The following VIPR1 variants were observed in gnomAD, a reference collection of about 807,000 sequenced individuals.
VIPR1 encodes the protein vasoactive intestinal polypeptide receptor 1.
Under a neutral mutation model 58.8 loss-of-function variants are expected in VIPR1, and 59 were observed. The ratio of observed to expected loss-of-function variants is 1.00; its 90% CI spans 0.81 to 1.25. VIPR1 has a LOEUF of 1.25. VIPR1 is among the 50% of genes most tolerant of loss of function. The pLI is 0.00. For missense variants in VIPR1, 626 were observed against 602.7 expected, an observed-to-expected ratio of 1.04 and a Z score of -0.40; for synonymous variants, 251 against 242.1, an observed-to-expected ratio of 1.04 and a Z score of -0.34.
At chr3:42,505,877 G>T (rs1295019745) in intron 1 of VIPR1, among the ~76,000 whole-genome samples, 1 of 152,204 alleles carries the variant, frequency 6.6e-6, no homozygotes, top group East Asian at 1.9e-4. Context: ...AGAGGGTTAG[G>T]CTGGAGCCAA....
chr3:42,519,566 A>C, intron 3 of VIPR1: 1 of 430,230 alleles, frequency 2.3e-6, no homozygotes, highest in Non-Finnish European at 4.1e-6. Flanking sequence ...TCAACAATTG[A>C]TAACTGATTG....
chr3:42,512,003 G>C (rs992422114), intron 1 of VIPR1: 1 of 152,208 alleles, frequency 6.6e-6, no homozygotes, highest in African/African-American at 2.4e-5. Context: ...ACGAGTAACT[G>C]TATCATGCTC....
chr3:42,513,740 T>G lies in VIPR1; in HGVS notation c.79-9T>G. On this transcript the variant is annotated splice_polypyrimidine_tract_variant and intron_variant, in intron 1 of 12. Coordinates refer to ENST00000325123, the MANE Select transcript of VIPR1 (RefSeq NM_004624.4). ...GAGGCTGATGGGCCCTCCCTGTCTT[T>G]GTTCTCAGGGCGGCCAGGCGGCCAG... 3 of 1,551,168 alleles carry G rather than the reference T, an allele frequency of 1.9e-6. No homozygotes were observed. The South Asian group carries it at 3.6e-5, about 18-fold the overall frequency.
intron 3 of VIPR1, chr3:42,519,657 G>A (rs1208422224): frequency 4.7e-6 from 1 of 214,724 alleles, no homozygotes; most frequent in East Asian, 1.1e-4. Flanking sequence ...TCGATGCCTG[G>A]AGCCTATGAC....
Position 42,502,777 on chromosome 3 carries a change from G to A in VIPR1, c.42G>A (p.Val14=), listed in dbSNP as rs1001696349. Residue 14 remains valine, a synonymous_variant, in exon 1 of 13, where the codon GTG becomes GTA. Transcript: ENST00000325123. ...CGCTGCCCGCCCGCTGGCTATGCGT[G>A]CTGGCAGGCGCCCTCGCCTGGGCCC... ...PSPLPARWLC[V]LAGALAWALG... The A allele has an allele frequency of 3.9e-6, 5 of 1,288,510 alleles. No homozygotes were observed. The African/African-American group carries it at 6.2e-5, about 16-fold the overall frequency. 79.8% of individuals were successfully genotyped at this position (1,288,510 alleles called of 1,614,324 possible). A position where few individuals can be genotyped will look rare whatever the true frequency, so the allele number is the denominator to read the frequency against.
chr3:42,512,837 C>T (rs550634007), intron 1 of VIPR1: 19 of 985,488 alleles, frequency 1.9e-5, no homozygotes, highest in Admixed American at 1.2e-4. Flanking sequence ...GCCAGTCCAA[C>T]GCTTCCTCCA....
chr3:42,527,671 C>T, intron 5 of VIPR1, 175 bp downstream of exon 5: 1 of 678,732 alleles, frequency 1.5e-6, no homozygotes, highest in Non-Finnish European at 2.5e-6. Flanking sequence ...TGGCTGAGCT[C>T]TTCCATGTGT....
intron 1 of VIPR1, among the ~76,000 whole-genome samples, chr3:42,505,163 G>T (rs1444775562): frequency 1.3e-5 from 2 of 152,202 alleles, no homozygotes; most frequent in African/African-American, 4.8e-5. Context: ...GAGTCCAGGT[G>T]GATGTGGGGT....
intron 1 of VIPR1, among the ~76,000 whole-genome samples, chr3:42,497,600 G>A (rs375183101): frequency 9.7e-4 from 147 of 152,208 alleles, no homozygotes; most frequent in Non-Finnish European, 1.7e-3. Flanking sequence ...TGGCTGTGTC[G>A]CCACCCAAAT....
rs1700792062 is a variant in VIPR1, at chr3:42,519,313, T to C, written c.275T>C (p.Leu92Pro). ...TTGGCCTGTCCCCTCATCTTCAAGCTCTTCTCCTCCATTCAAGGTAAGACC... is the reference window on the plus strand; with the variant it reads ...TTGGCCTGTCCCCTCATCTTCAAGCCCTTCTCCTCCATTCAAGGTAAGACC... ...VVLACPLIFK[L>P]FSSIQGRNVS... Residue 92 changes from leucine to proline, a missense_variant, in exon 3 of 13, where the codon CTC becomes CCC. Leu to Pro is a moderately conservative substitution (Grantham distance 98). Transcript: ENST00000325123. The C allele has an allele frequency of 1.2e-6, 2 of 1,609,344 alleles. No individual in the cohort carries two copies. Among genetic ancestry groups the C allele is most frequent in the East Asian group, 2.2e-5 (1 of 44,494 alleles).
intron 3 of VIPR1, among the ~76,000 whole-genome samples, chr3:42,523,993 T>C (rs1292088090): frequency 1.3e-5 from 2 of 152,200 alleles, no homozygotes; most frequent in African/African-American, 4.8e-5. Flanking sequence ...AATTTTTGTA[T>C]TTTTAGTAAA....
intron 4 of VIPR1, among the ~76,000 whole-genome samples, chr3:42,526,765 T>C (rs1324523597): frequency 6.6e-6 from 1 of 152,116 alleles, no homozygotes; most frequent in African/African-American, 2.4e-5. Flanking sequence ...GCCTAGTGGC[T>C]GTCGTGCTGC....
intron 1 of VIPR1, chr3:42,507,966 A>AAAAAAC (rs1027831340): frequency 4.6e-5 from 7 of 151,894 alleles, no homozygotes; most frequent in African/African-American, 1.7e-4. Flanking sequence ...CAAAAAAAAA[A>AAAAAAC]AAAAAAAAGA....
intron 1 of VIPR1, among the ~76,000 whole-genome samples, chr3:42,497,526 G>A (rs904611391): frequency 6.6e-6 from 1 of 152,166 alleles, no homozygotes; most frequent in Non-Finnish European, 1.5e-5. Flanking sequence ...TTTGAAAACA[G>A]GGTGGAGCAG....
At chr3:42,525,639 A>G (rs1169880891) in intron 3 of VIPR1, among the ~76,000 whole-genome samples, 1 of 152,228 alleles carries the variant, frequency 6.6e-6, no homozygotes, top group Non-Finnish European at 1.5e-5. Flanking sequence ...GGTTCAGACC[A>G]TAACAAAAGG....
intron 1 of VIPR1, chr3:42,512,839 C>T (rs965766409): frequency 2.1e-5 from 21 of 985,380 alleles, no homozygotes; most frequent in Admixed American, 6.1e-5. Flanking sequence ...CAGTCCAACG[C>T]TTCCTCCATG....
At position 42,523,640 on chromosome 3, in the gene VIPR1, C is replaced by CACCCAT. The variant is rs1553638629; in HGVS notation, c.293-2247_293-2246insACCCAT. On this transcript the variant is annotated intron_variant, in intron 3 of 12. Transcript: ENST00000325123. ...ACACACACACACACACACACACACA[C>CACCCAT]GGCATGTGAAGCTGCTGTGTACATG... Among the ~76,000 whole-genome samples the CACCCAT allele has an allele frequency of 2.0e-5, 3 of 150,880 alleles. No individual in the cohort carries two copies. In the South Asian group the frequency reaches 6.3e-4, roughly 32 times the overall value.
At chr3:42,521,766 G>C (rs563938854) in intron 3 of VIPR1, among the ~76,000 whole-genome samples, 6 of 152,072 alleles carry the variant, frequency 3.9e-5, no homozygotes, top group African/African-American at 1.4e-4. Flanking sequence ...TTAATGTTTT[G>C]AGATAGAGTC....
In VIPR1 at chr3:42,519,281, AGTT is replaced by A; in HGVS notation, c.246_248del (p.Val83del). 1 of 1,611,018 alleles carries A rather than the reference AGTT, an allele frequency of 6.2e-7. No homozygotes were observed. Among genetic ancestry groups the A allele is most frequent in the Non-Finnish European group, 8.5e-7 (1 of 1,178,720 alleles). On this transcript the variant is annotated inframe_deletion, in exon 3 of 13. Transcript: ENST00000325123. ...GGCCAGCCACCCCTCGGGGCCAGGT[AGTT>A]GTCTTGGCCTGTCCCCTCATCTTCA...
Sources: gnomAD v4.1 joint callset for allele counts (sites outside exome capture counted in the v4.1 genomes callset) on GRCh38, gnomAD v4.1.1 for gene constraint, MANE v1.5 for transcripts, NCBI Gene and HGNC (gene_info 2026-07-23, HGNC 2026-07-21) for gene names.